SEMA4A: variants seen among roughly 807,000 people sequenced by gnomAD.
SEMA4A encodes the protein semaphorin-4A.
In SEMA4A, 52 loss-of-function variants were observed where a neutral mutation model predicts 72.5. That is an observed-to-expected ratio of 0.72 (90% confidence interval 0.57 to 0.90). The LOEUF is 0.90. Ranked by LOEUF, SEMA4A falls within the 40% of genes least tolerant of loss-of-function variation. The pLI, the probability that SEMA4A is intolerant of heterozygous loss-of-function variation, is 0.00. For missense variants in SEMA4A, 926 were observed against 959.7 expected (o/e 0.96, Z 0.46); for synonymous variants, 369 against 393.1 (o/e 0.94, Z 0.73).
At chr1:156,175,489 C>A in intron 13 of SEMA4A, 67 bp from the exon 14 acceptor site, 1 of 1,338,114 alleles carries the variant, frequency 7.5e-7, no homozygotes, top group South Asian at 1.2e-5. Context: ...CACTTCCTCC[C>A]TTCCTCCTTC....
At chr1:156,170,240 G>A (rs545618976) in intron 10 of SEMA4A, among the ~76,000 whole-genome samples, 57 of 151,358 alleles carry the variant, frequency 3.8e-4, no homozygotes, top group Admixed American at 1.9e-3. Context: ...GTGGTGGGTG[G>A]ATCACTTGAG....
chr1:156,172,086 T>C (rs1362980469), intron 10 of SEMA4A, among the ~76,000 whole-genome samples: 2 of 51,630 alleles, frequency 3.9e-5, no homozygotes, highest in Non-Finnish European at 1.2e-4. Flanking sequence ...GCCCGGCTGT[T>C]TGTTTGTTTG....
In SEMA4A at chr1:156,176,894, C is replaced by G. The variant is rs1482375362; in HGVS notation, c.2183C>G (p.Ala728Gly). ...GAGACCCTGCGCCCTGGGGAGAAGGCCCCGTTAAGCAGAGAGCAACACCTC... is the reference window on the plus strand; with the variant it reads ...GAGACCCTGCGCCCTGGGGAGAAGGGCCCGTTAAGCAGAGAGCAACACCTC... ...GCETLRPGEK[A>G]PLSREQHLQS... The change falls in exon 15 of 15, where the codon GCC (alanine) becomes GGC (glycine). Residue 728 changes from alanine to glycine, a missense_variant. Transcript: ENST00000368285. 5.0e-6 allele frequency: 8 copies of G among 1,614,240 alleles called. No homozygotes were observed. Among genetic ancestry groups the G allele is most frequent in the Non-Finnish European group, 6.8e-6 (8 of 1,180,022 alleles).
chr1:156,174,561 T>C (rs1655121001), intron 11 of SEMA4A, among the ~76,000 whole-genome samples: 1 of 152,192 alleles, frequency 6.6e-6, no homozygotes, highest in South Asian at 2.1e-4. Context: ...GTTTCATGCC[T>C]ATGGAGAAAT....
intron 14 of SEMA4A, 61 bp from the exon 15 acceptor site, chr1:156,176,344 C>T: frequency 8.0e-7 from 1 of 1,255,704 alleles, no homozygotes; most frequent in Non-Finnish European, 1.1e-6. Context: ...GTTAGAGACT[C>T]TCTCCTGTCT....
At chr1:156,173,849 C>G (rs1380899515) in intron 11 of SEMA4A, among the ~76,000 whole-genome samples, 1 of 152,094 alleles carries the variant, frequency 6.6e-6, no homozygotes, top group Non-Finnish European at 1.5e-5. Flanking sequence ...GTGGCTCACG[C>G]CTGTAATCCC....
chr1:156,158,650 C>T (rs1653275504), intron 5 of SEMA4A, 69 bp from the exon 6 acceptor site: 3 of 1,400,064 alleles, frequency 2.1e-6, no homozygotes, highest in Non-Finnish European at 3.0e-6. Flanking sequence ...TCCCTTCCTT[C>T]CTCAAGCCCC....
intron 14 of SEMA4A, 86 bp downstream of exon 14, chr1:156,175,742 C>A: frequency 2.1e-6 from 2 of 930,918 alleles, no homozygotes; most frequent in Non-Finnish European, 3.4e-6. Context: ...CCAATTTCCT[C>A]CCCCAGCACC....
At chr1:156,160,307 C>A in intron 6 of SEMA4A, 136 bp from the exon 7 acceptor site, 1 of 737,594 alleles carries the variant, frequency 1.4e-6, no homozygotes, top group East Asian at 2.5e-5. Context: ...GCCTTTGAGG[C>A]TCCCCAGGAA....
In SEMA4A at chr1:156,175,193, T is replaced by C. The variant is rs1558163801; in HGVS notation, c.1542T>C (p.Cys514=). 6.2e-7 allele frequency: 1 copy of C among 1,614,144 alleles called. No individual in the cohort carries two copies. The highest frequency in any genetic ancestry group is 1.1e-5 in the South Asian group (1 of 91,084). The change falls in exon 13 of 15, where the codon TGT becomes TGC. Residue 514 remains cysteine, a synonymous_variant. Transcript: ENST00000368285. ...GTGTCCTTGCCCGGGACCCCCACTGTGCCTGGGACCCTGAGTCCCGAACCT... is the reference window on the plus strand; with the variant it reads ...GTGTCCTTGCCCGGGACCCCCACTGCGCCTGGGACCCTGAGTCCCGAACCT... ...VDCVLARDPH[C]AWDPESRTCC...
chr1:156,163,874 CA>C (rs888641137), intron 10 of SEMA4A, among the ~76,000 whole-genome samples: 3 of 150,454 alleles, frequency 2.0e-5, no homozygotes, highest in African/African-American at 7.3e-5. Flanking sequence ...CTGTCTCTAC[CA>C]AAAAAAATGA....
intron 11 of SEMA4A, among the ~76,000 whole-genome samples, chr1:156,174,544 G>A (rs78709594): frequency 6.6e-5 from 10 of 152,140 alleles, no homozygotes; most frequent in East Asian, 3.9e-4. Context: ...GCACCCAGCC[G>A]CCCACTGTTT....
intron 10 of SEMA4A, among the ~76,000 whole-genome samples, chr1:156,167,491 A>T (rs986919715): frequency 6.6e-6 from 1 of 151,586 alleles, no homozygotes; most frequent in Admixed American, 6.6e-5. Context: ...AAAAAAAAAA[A>T]AAAAGAAAGA....
intron 6 of SEMA4A, among the ~76,000 whole-genome samples, chr1:156,159,919 G>GAAAAA (rs34564497): frequency 9.8e-6 from 1 of 102,404 alleles, no homozygotes; most frequent in African/African-American, 3.6e-5. Context: ...ACCCTGTCTT[G>GAAAAA]AAAAAAAAAA....
rs1190747881 is a variant in SEMA4A at position 156,175,184 on chromosome 1, C to T, written c.1533C>T (p.Asp511=). Residue 511 remains aspartate, a synonymous_variant, in exon 13 of 15, where the codon GAC becomes GAT. Transcript: ENST00000368285. ...ESCVDCVLAR[D]PHCAWDPESR... ...GTGTGGACTGTGTCCTTGCCCGGGA[C>T]CCCCACTGTGCCTGGGACCCTGAGT... The T allele has an allele frequency of 6.2e-7, 1 of 1,614,094 alleles. No homozygotes were observed. Among genetic ancestry groups the T allele is most frequent in the Admixed American group, 1.7e-5 (1 of 60,020 alleles).
intron 10 of SEMA4A, 58 bp downstream of exon 10, chr1:156,163,152 A>G: frequency 1.9e-6 from 3 of 1,592,188 alleles, no homozygotes; most frequent in Non-Finnish European, 2.6e-6. Flanking sequence ...GCATGAAAAA[A>G]CACCTATCAT....
rs1652821041 is a variant in SEMA4A at position 156,154,531 on chromosome 1, CG to C, written c.-29-16del. On this transcript the variant is annotated intron_variant, in intron 1 of 14. Transcript: ENST00000368285. ...AAGAACTGCTCACCCAGAAAGTGCC[CG>C]GGTGCCTGTTTCCCCAGAGCTCCCT... is the stretch of plus-strand genomic sequence containing the variant. 1 of 1,589,374 alleles carries C rather than the reference CG, an allele frequency of 6.3e-7. No homozygotes were observed. Among genetic ancestry groups the C allele is most frequent in the Middle Eastern group, 2.1e-4 (1 of 4,760 alleles).
At chr1:156,148,588 G>A (rs1652277166), upstream of SEMA4A, among the ~76,000 whole-genome samples, 1 of 152,150 alleles carries the variant, frequency 6.6e-6, no homozygotes, top group South Asian at 2.1e-4. Flanking sequence ...ATACTATGAA[G>A]TCTGGCGGAG....
At chr1:156,174,975 G>A (rs1655169534) in intron 12 of SEMA4A, 35 bp downstream of exon 12, 4 of 1,614,236 alleles carry the variant, frequency 2.5e-6, no homozygotes, top group Non-Finnish European at 3.4e-6. Flanking sequence ...TGGCCTTCCA[G>A]TGGGGCTGGC....
Sources: gnomAD v4.1 joint callset for allele counts (sites outside exome capture counted in the v4.1 genomes callset) on GRCh38, gnomAD v4.1.1 for gene constraint, MANE v1.5 for transcripts, NCBI Gene and HGNC (gene_info 2026-07-23, HGNC 2026-07-21) for gene names.